EFHD1: variants seen among roughly 807,000 people sequenced by gnomAD.
EFHD1 encodes the protein EF-hand domain family member D1.
A neutral mutation model predicts 17.2 loss-of-function variants in EFHD1; 10 were observed. The observed-to-expected ratio is 0.58, with a 90% CI of 0.36 to 0.99. The LOEUF is 0.99. Among genes scored for constraint, EFHD1 ranks in the 50% least tolerant of loss-of-function variants. The pLI, the probability that EFHD1 is intolerant of heterozygous loss-of-function variation, is 0.01. For missense variants in EFHD1, 310 were observed against 327.5 expected, an observed-to-expected ratio of 0.95 and a Z score of 0.41; for synonymous variants, 153 against 142.0, an observed-to-expected ratio of 1.08 and a Z score of -0.55.
intron 1 of EFHD1, among the ~76,000 whole-genome samples, chr2:232,654,185 C>T (rs13417548): frequency 2.1e-5 from 3 of 143,220 alleles, no homozygotes; most frequent in South Asian, 4.4e-4. Context: ...CCAGCCTGGG[C>T]GACAGAGCGA....
chr2:232,609,757 C>A (rs531869562), intron 1 of EFHD1, among the ~76,000 whole-genome samples: 1 of 152,296 alleles, frequency 6.6e-6, no homozygotes, highest in African/African-American at 2.4e-5. Flanking sequence ...GGAAACAGTC[C>A]CGACACACAA....
At chr2:232,661,568 C>CT (rs35488799) in intron 1 of EFHD1, 1,268 of 117,682 alleles carry the variant, frequency 0.011, 54 homozygotes, top group African/African-American at 0.027. Flanking sequence ...ACCACCACCC[C>CT]TTTTTTTTTT....
chr2:232,631,260 G>GTT (rs1014801219), upstream of EFHD1, among the ~76,000 whole-genome samples: 7 of 150,874 alleles, frequency 4.6e-5, no homozygotes, highest in South Asian at 2.1e-4. Flanking sequence ...CTCATGCAAA[G>GTT]TTTCTCTCTC....
At chr2:232,676,124 G>A (rs770529300) in intron 3 of EFHD1, among the ~76,000 whole-genome samples, 4 of 151,992 alleles carry the variant, frequency 2.6e-5, no homozygotes, top group Non-Finnish European at 1.5e-5. Context: ...GCAGTGAGCC[G>A]AGATCAGGCC....
rs555095212 is a variant in EFHD1, at chr2:232,634,193, G to C, written c.302+187G>C. Among the ~76,000 whole-genome samples, 7 of 152,236 alleles carry C rather than the reference G, an allele frequency of 4.6e-5. No individual in the cohort carries two copies. In the South Asian group the frequency reaches 6.2e-4, roughly 14 times the overall value. ...CGCGGTGGGGGACGGGGCCGAAGAG[G>C]GGGGACACCAGGAGCAGGAGCTCTC... is the stretch of plus-strand genomic sequence containing the variant. On this transcript the variant is annotated intron_variant, in intron 1 of 3. Coordinates refer to ENST00000264059, the MANE Select transcript of EFHD1 (RefSeq NM_025202.4).
At chr2:232,680,018 A>C (rs1396698658) in intron 3 of EFHD1, among the ~76,000 whole-genome samples, 2 of 152,124 alleles carry the variant, frequency 1.3e-5, no homozygotes, top group Non-Finnish European at 2.9e-5. Context: ...TATGCCTGTA[A>C]TTCTAGCACT....
intron 1 of EFHD1, chr2:232,606,201 C>T: frequency 6.5e-7 from 1 of 1,549,554 alleles, no homozygotes; most frequent in South Asian, 1.2e-5. Flanking sequence ...CCCCTTTCAC[C>T]CTTGAGAGTC....
chr2:232,645,166 G>A (rs1264837995), intron 1 of EFHD1, among the ~76,000 whole-genome samples: 1 of 152,086 alleles, frequency 6.6e-6, no homozygotes, highest in Non-Finnish European at 1.5e-5. Context: ...TGGTTTTGGA[G>A]CTCAGACCTG....
intron 1 of EFHD1, among the ~76,000 whole-genome samples, chr2:232,610,066 C>A (rs1693783684): frequency 6.6e-6 from 1 of 152,232 alleles, no homozygotes; most frequent in Non-Finnish European, 1.5e-5. Context: ...GGGCACAGCG[C>A]CTGTCCCGCC....
intron 3 of EFHD1, among the ~76,000 whole-genome samples, chr2:232,681,135 G>A (rs528626325): frequency 1.1e-4 from 17 of 151,982 alleles, no homozygotes; most frequent in Admixed American, 2.6e-4. Context: ...CAGCCTGAGC[G>A]ACAGAGCGAG....
At chr2:232,677,274 TACAC>T (rs36180788) in intron 3 of EFHD1, among the ~76,000 whole-genome samples, 88,955 of 141,272 alleles carry the variant, frequency 0.63, 27,679 homozygotes, top group East Asian at 0.8. Context: ...AACACACACA[TACAC>T]ACACACACAC....
intron 1 of EFHD1, among the ~76,000 whole-genome samples, chr2:232,620,374 C>A (rs569255836): frequency 4.1e-5 from 6 of 146,190 alleles, no homozygotes; most frequent in African/African-American, 7.6e-5. Context: ...GGCGACAAAA[C>A]GAGACTCCAT....
chr2:232,662,433 C>T (rs1694889802), intron 1 of EFHD1, among the ~76,000 whole-genome samples: 1 of 152,108 alleles, frequency 6.6e-6, no homozygotes, highest in African/African-American at 2.4e-5. Flanking sequence ...TGCTGGGCGT[C>T]AGGGGCCAGC....
chr2:232,625,453 G>C (rs1489227660), intron 1 of EFHD1, among the ~76,000 whole-genome samples: 29 of 152,116 alleles, frequency 1.9e-4, no homozygotes, highest in Admixed American at 1.9e-3. Context: ...GTTGATTGAA[G>C]CAATATATGC....
At chr2:232,638,562 C>CT (rs2106196241) in intron 1 of EFHD1, 1 of 422,720 alleles carries the variant, frequency 2.4e-6, no homozygotes, top group Non-Finnish European at 4.8e-6. Flanking sequence ...AGTCTTGTCT[C>CT]TAAAGGAGAG....
At chr2:232,613,602 CCACA>C (rs138706897) in intron 1 of EFHD1, among the ~76,000 whole-genome samples, 1,863 of 138,330 alleles carry the variant, frequency 0.013, 53 homozygotes, top group Admixed American at 0.064. Context: ...CAAAGAGGAA[CCACA>C]CACACACACA....
At chr2:232,622,611 T>C (rs1267102844) in intron 1 of EFHD1, among the ~76,000 whole-genome samples, 1 of 146,262 alleles carries the variant, frequency 6.8e-6, no homozygotes, top group Non-Finnish European at 1.5e-5. Context: ...GAGGGAGTAA[T>C]GAGTGGGGCA....
chr2:232,669,152 CCT>C, intron 2 of EFHD1, among the ~76,000 whole-genome samples: 1 of 152,316 alleles, frequency 6.6e-6, no homozygotes, highest in East Asian at 1.9e-4. Flanking sequence ...CTTTTCCACC[CCT>C]GTGTCACCAT....
At chr2:232,616,145 T>C (rs990718313) in intron 1 of EFHD1, among the ~76,000 whole-genome samples, 8 of 152,094 alleles carry the variant, frequency 5.3e-5, no homozygotes, top group Non-Finnish European at 1.0e-4. Flanking sequence ...GACAGATGAA[T>C]GGAGAAATCA....
Sources: gnomAD v4.1 joint callset for allele counts (sites outside exome capture counted in the v4.1 genomes callset) on GRCh38, gnomAD v4.1.1 for gene constraint, MANE v1.5 for transcripts, NCBI Gene and HGNC (gene_info 2026-07-23, HGNC 2026-07-21) for gene names.